The following PPP1R21 variants were observed in gnomAD, a reference collection of about 807,000 sequenced individuals.
The protein encoded by PPP1R21 is protein phosphatase 1 regulatory subunit 21, also known as KLRAQ motif containing 1.
A neutral mutation model predicts 112.8 loss-of-function variants in PPP1R21; 85 were observed. The observed-to-expected ratio is 0.75, with a 90% CI of 0.63 to 0.90. The LOEUF is 0.90. PPP1R21 is among the 40% of genes least tolerant of loss of function. The pLI is 0.00. For missense variants in PPP1R21, 1,199 were observed against 901.5 expected (o/e 1.33, Z -4.23); for synonymous variants, 381 against 322.3 (o/e 1.18, Z -1.95).
rs1243025798 is a variant in PPP1R21, at chr2:48,459,812, C to T, written c.434C>T (p.Ala145Val). ...HVEAELRSRL[A>V]TLETEAAQHQ... ...GAAGCAGAGCTGAGGAGTCGACTGG[C>T]CACTCTGGAGACAGAAGCAGCCCAG... Residue 145 changes from alanine (A) to valine (V), a missense_variant, in exon 5 of 22, where the codon GCC becomes GTC. By Grantham distance (64) the Ala-to-Val change is moderately conservative. Transcript: ENST00000294952. 3 of 1,613,888 alleles carry T rather than the reference C, an allele frequency of 1.9e-6. No individual in the cohort carries two copies. The highest frequency in any genetic ancestry group is 2.5e-6 in the Non-Finnish European group (3 of 1,180,020).
At position 48,468,061 on chromosome 2, in the gene PPP1R21, T is replaced by C. The variant is rs78673582; in HGVS notation, c.897+2419T>C. ...TGCAGCAAAGACTTGGACTCAGGAG[T>C]TAGACTTCCTGGGTTCCCAGTCCAT... is the stretch of plus-strand genomic sequence containing the variant. On this transcript the variant is annotated intron_variant, in intron 9 of 21. Coordinates refer to ENST00000294952, the MANE Select transcript of PPP1R21 (RefSeq NM_001135629.3). Among the ~76,000 whole-genome samples the C allele has an allele frequency of 5.7e-3, 866 of 152,256 alleles. 7 individuals are homozygous for C. Among genetic ancestry groups the C allele is most frequent in the South Asian group, 0.018 (88 of 4,820 alleles).
intron 21 of PPP1R21, among the ~76,000 whole-genome samples, chr2:48,513,033 C>G (rs1284338653): frequency 1.3e-5 from 2 of 152,144 alleles, no homozygotes; most frequent in South Asian, 2.1e-4. Context: ...GTTTTAGCAC[C>G]TAAAATTTGA....
At chr2:48,479,344 G>C in intron 12 of PPP1R21, 1 of 379,608 alleles carries the variant, frequency 2.6e-6, no homozygotes, top group Non-Finnish European at 5.3e-6. Context: ...GGGAGGTAGT[G>C]ATTCTTGGTT....
intron 13 of PPP1R21, among the ~76,000 whole-genome samples, chr2:48,482,880 A>G (rs955729481): frequency 3.9e-5 from 6 of 152,064 alleles, no homozygotes; most frequent in Non-Finnish European, 7.4e-5. Context: ...CATCCCATCA[A>G]CTAGATAGTA....
rs577929026 is a variant in PPP1R21 at position 48,501,219 on chromosome 2, C to T, written c.1935+2484C>T. 3.3e-5 allele frequency among the ~76,000 whole-genome samples: 5 copies of T among 152,258 alleles called. No homozygotes were observed. The South Asian group carries it at 1.0e-3, about 32-fold the overall frequency. On this transcript the variant is annotated intron_variant, in intron 17 of 21. Coordinates refer to ENST00000294952, the MANE Select transcript of PPP1R21 (RefSeq NM_001135629.3). Reference sequence around the variant, plus strand: ...CATCCAAATAGCATTTAAGAACTGCCCCCACTCCCTTGCCTTTAGATTTTT... The same window carrying T: ...CATCCAAATAGCATTTAAGAACTGCTCCCACTCCCTTGCCTTTAGATTTTT...
intron 3 of PPP1R21, among the ~76,000 whole-genome samples, chr2:48,455,852 A>C (rs1401152586): frequency 1.3e-5 from 2 of 151,912 alleles, no homozygotes; most frequent in Non-Finnish European, 2.9e-5. Context: ...GTCTCTACTA[A>C]AAATAGAAAA....
chr2:48,458,081 C>A, intron 3 of PPP1R21, 45 bp from the exon 4 acceptor site: 1 of 1,304,354 alleles, frequency 7.7e-7, no homozygotes, highest in South Asian at 1.2e-5. Flanking sequence ...GGATGTTTCT[C>A]TAAAGGATGA....
intron 2 of PPP1R21, among the ~76,000 whole-genome samples, chr2:48,454,165 G>A (rs1233484410): frequency 6.6e-6 from 1 of 152,182 alleles, no homozygotes; most frequent in East Asian, 1.9e-4. Flanking sequence ...GGAGGCTGAG[G>A]CATGAGACAT....
At chr2:48,444,770 T>C (rs938293196) in intron 1 of PPP1R21, among the ~76,000 whole-genome samples, 4 of 152,204 alleles carry the variant, frequency 2.6e-5, no homozygotes, top group African/African-American at 7.2e-5. Flanking sequence ...TTTCCAGTGA[T>C]TGGATTCATG....
chr2:48,445,710 G>GGGAGCA (rs1201011664), intron 1 of PPP1R21, among the ~76,000 whole-genome samples: 1 of 152,192 alleles, frequency 6.6e-6, no homozygotes, highest in Non-Finnish European at 1.5e-5. Context: ...TTCCCTGCAT[G>GGGAGCA]GGAGCAGGAG....
chr2:48,506,245 C>G (rs556441352), intron 18 of PPP1R21, among the ~76,000 whole-genome samples: 3 of 152,262 alleles, frequency 2.0e-5, no homozygotes, highest in Admixed American at 2.0e-4. Context: ...AGGCGCATGT[C>G]ACCATGTCCA....
chr2:48,467,770 G>T (rs992325239), intron 9 of PPP1R21, among the ~76,000 whole-genome samples: 9 of 152,216 alleles, frequency 5.9e-5, no homozygotes, highest in African/African-American at 2.2e-4. Context: ...TTGAAACAAT[G>T]TGAGAGGGTA....
intron 3 of PPP1R21, among the ~76,000 whole-genome samples, chr2:48,455,836 A>G (rs988066286): frequency 1.3e-5 from 2 of 151,940 alleles, no homozygotes; most frequent in African/African-American, 2.4e-5. Flanking sequence ...AACATGGTGA[A>G]ACCTTGTCTC....
At chr2:48,472,934 T>C (rs1169386560) in intron 11 of PPP1R21, among the ~76,000 whole-genome samples, 2 of 135,414 alleles carry the variant, frequency 1.5e-5, no homozygotes, top group Non-Finnish European at 3.2e-5. Context: ...TCCCTGCCTC[T>C]TAAAAAAAAA....
At chr2:48,501,732 C>A (rs1670123622) in intron 17 of PPP1R21, among the ~76,000 whole-genome samples, 2 of 151,782 alleles carry the variant, frequency 1.3e-5, no homozygotes, top group Non-Finnish European at 2.9e-5. Context: ...ATTTTTGAGC[C>A]CAGGAGTCTG....
intron 17 of PPP1R21, 28 bp from the exon 18 acceptor site, chr2:48,505,536 C>A (rs1477408002): frequency 6.6e-7 from 1 of 1,522,780 alleles, no homozygotes; most frequent in African/African-American, 1.4e-5. Context: ...ACATTCTGTT[C>A]TAAAAGATTT....
At position 48,461,164 on chromosome 2, in the gene PPP1R21, A is replaced by G. The variant is rs769929149; in HGVS notation, c.626A>G (p.Glu209Gly). ...CAATTACAGTTAAAGACTCTTCATG[A>G]AGATTTGTCAGGTAGATTAGAGGAA... ...ECQLQLKTLH[E>G]DLSGRLEESL... The change falls in exon 7 of 22, where the codon GAA (glutamate) becomes GGA (glycine). Residue 209 changes from glutamate to glycine, a missense_variant. Coordinates refer to ENST00000294952, the MANE Select transcript of PPP1R21 (RefSeq NM_001135629.3). The G allele has an allele frequency of 2.5e-6, 4 of 1,580,468 alleles. No individual in the cohort carries two copies. In the African/African-American group the frequency reaches 4.2e-5, roughly 16 times the overall value.
intron 15 of PPP1R21, 118 bp from the exon 16 acceptor site, chr2:48,495,561 C>T (rs1669798287): frequency 1.6e-6 from 1 of 635,888 alleles, no homozygotes; most frequent in East Asian, 2.6e-5. Flanking sequence ...AAATAGTCTG[C>T]TTTGACATAC....
intron 17 of PPP1R21, among the ~76,000 whole-genome samples, chr2:48,499,145 A>C (rs938865817): frequency 1.3e-5 from 2 of 151,908 alleles, no homozygotes; most frequent in Non-Finnish European, 2.9e-5. Context: ...GGGGGGACAC[A>C]AACACGCAGG....
Sources: gnomAD v4.1 joint callset for allele counts (sites outside exome capture counted in the v4.1 genomes callset) on GRCh38, gnomAD v4.1.1 for gene constraint, MANE v1.5 for transcripts, NCBI Gene and HGNC (gene_info 2026-07-23, HGNC 2026-07-21) for gene names.